The following ADAMTSL3 variants were observed in gnomAD, a reference collection of about 807,000 sequenced individuals.
The protein encoded by ADAMTSL3 is ADAMTS-like protein 3.
Under a neutral mutation model 201.7 loss-of-function variants are expected in ADAMTSL3, and 128 were observed. That is an observed-to-expected ratio of 0.63 (90% CI 0.55 to 0.73). The LOEUF (loss-of-function observed/expected upper bound fraction) is 0.73. ADAMTSL3 is among the 30% of genes least tolerant of loss of function. The pLI, the probability that ADAMTSL3 is intolerant of heterozygous loss-of-function variation, is 0.00. For missense variants in ADAMTSL3, 1,990 were observed against 2,119.6 expected, an observed-to-expected ratio of 0.94 and a Z score of 1.20; for synonymous variants, 738 against 748.4, an observed-to-expected ratio of 0.99 and a Z score of 0.23.
chr15:83,762,105 C>T (rs189272847), intron 3 of ADAMTSL3, among the ~76,000 whole-genome samples: 59 of 151,528 alleles, frequency 3.9e-4, no homozygotes, highest in Non-Finnish European at 7.1e-4. Flanking sequence ...GGCTGGAGTG[C>T]GGTGGCGTGA....
chr15:83,884,317 A>T (rs1596354508), intron 9 of ADAMTSL3, among the ~76,000 whole-genome samples: 2 of 143,236 alleles, frequency 1.4e-5, no homozygotes. Flanking sequence ...CATATATGTT[A>T]CCTCATTGGT....
In ADAMTSL3 at chr15:83,669,303, G is replaced by A. The variant is rs113333854; in HGVS notation, c.69+13473G>A. ...TGGGATTACAGTTGTGCACCACCAC[G>A]CGCGGCTAATTTTTGTATTTTTAGT... On this transcript the variant is annotated intron_variant, in intron 2 of 29. Coordinates refer to ENST00000286744, the MANE Select transcript of ADAMTSL3 (RefSeq NM_207517.3). Among the ~76,000 whole-genome samples, 136 of 151,716 alleles carry A rather than the reference G, an allele frequency of 9.0e-4. 2 individuals are homozygous for A. The highest frequency in any genetic ancestry group is 3.2e-3 in the African/African-American group (130 of 41,210).
intron 5 of ADAMTSL3, among the ~76,000 whole-genome samples, chr15:83,813,889 G>C (rs2141890845): frequency 6.6e-6 from 1 of 152,318 alleles, no homozygotes; most frequent in Non-Finnish European, 1.5e-5. Context: ...CATGTCAGCA[G>C]GGAGGTCTAA....
chr15:83,768,170 C>T lies in ADAMTSL3; in HGVS notation c.190-5353C>T, dbSNP rs558367821. Among the ~76,000 whole-genome samples the T allele has an allele frequency of 2.3e-3, 347 of 152,328 alleles. 1 individual carries two copies. Among genetic ancestry groups the T allele is most frequent in the African/African-American group, 8.2e-3 (339 of 41,582 alleles). Reference sequence around the variant, plus strand: ...TATTTTTGAAGAGGAAAAACAATTGCTTACCCTTATTGAGATACTCACCAA... The same window carrying T: ...TATTTTTGAAGAGGAAAAACAATTGTTTACCCTTATTGAGATACTCACCAA... On this transcript the variant is annotated intron_variant, in intron 3 of 29. Transcript: ENST00000286744.
intron 8 of ADAMTSL3, among the ~76,000 whole-genome samples, chr15:83,865,471 C>T (rs2064955679): frequency 6.6e-6 from 1 of 152,112 alleles, no homozygotes; most frequent in African/African-American, 2.4e-5. Context: ...TATCTACAAC[C>T]ATCTGATCTT....
intron 15 of ADAMTSL3, among the ~76,000 whole-genome samples, chr15:83,906,699 G>A (rs2065843120): frequency 6.8e-6 from 1 of 146,680 alleles, no homozygotes; most frequent in Non-Finnish European, 1.5e-5. Flanking sequence ...CTACTTTATT[G>A]AACTGTTTTG....
chr15:83,926,607 T>A (rs1057487532), intron 17 of ADAMTSL3, among the ~76,000 whole-genome samples: 7 of 130,920 alleles, frequency 5.3e-5, no homozygotes, highest in Non-Finnish European at 1.1e-4. Context: ...TATATGACAC[T>A]AACAACTTTT....
intron 5 of ADAMTSL3, among the ~76,000 whole-genome samples, chr15:83,811,484 A>G (rs11636742): frequency 0.063 from 9,621 of 152,328 alleles, 376 homozygotes; most frequent in Non-Finnish European, 0.095. Context: ...CACAAGTGTT[A>G]GAGTATTATG....
At chr15:83,757,481 C>A (rs2062740479) in intron 3 of ADAMTSL3, among the ~76,000 whole-genome samples, 1 of 151,478 alleles carries the variant, frequency 6.6e-6, no homozygotes, top group Non-Finnish European at 1.5e-5. Context: ...CTAGGCTGCA[C>A]ACAGCAGGGG....
At chr15:83,824,287 A>G (rs1157742520) in intron 6 of ADAMTSL3, among the ~76,000 whole-genome samples, 1 of 152,040 alleles carries the variant, frequency 6.6e-6, no homozygotes, top group Non-Finnish European at 1.5e-5. Flanking sequence ...AAATACTGGC[A>G]TTACAGGCTT....
chr15:83,995,137 G>A (rs957947456), intron 23 of ADAMTSL3, among the ~76,000 whole-genome samples: 3 of 152,126 alleles, frequency 2.0e-5, no homozygotes, highest in Admixed American at 6.5e-5. Context: ...TCTCTGGAAG[G>A]GGCATATGTG....
At chr15:83,858,707 C>A in intron 7 of ADAMTSL3, 59 bp from the exon 8 acceptor site, 1 of 1,357,910 alleles carries the variant, frequency 7.4e-7, no homozygotes, top group South Asian at 1.2e-5. Flanking sequence ...TTGACTTGCT[C>A]ATTTTCATGG....
At chr15:83,972,586 T>A in intron 20 of ADAMTSL3, among the ~76,000 whole-genome samples, 1 of 152,176 alleles carries the variant, frequency 6.6e-6, no homozygotes, top group Non-Finnish European at 1.5e-5. Flanking sequence ...AAATTATAAA[T>A]TATTTTGGCA....
intron 4 of ADAMTSL3, among the ~76,000 whole-genome samples, chr15:83,792,782 A>C (rs1297672516): frequency 2.9e-5 from 4 of 138,856 alleles, no homozygotes; most frequent in African/African-American, 1.0e-4. Flanking sequence ...ACAGAGTGAG[A>C]CTCTGTCTCA....
chr15:83,898,318 G>T (rs2065657416), intron 14 of ADAMTSL3, among the ~76,000 whole-genome samples: 1 of 152,054 alleles, frequency 6.6e-6, no homozygotes, highest in African/African-American at 2.4e-5. Context: ...AAGAATGGCG[G>T]GGGAGAGATT....
At chr15:83,791,853 T>C (rs1376691686) in intron 4 of ADAMTSL3, among the ~76,000 whole-genome samples, 2 of 149,412 alleles carry the variant, frequency 1.3e-5, no homozygotes, top group Non-Finnish European at 3.0e-5. Flanking sequence ...AGTGAGACTC[T>C]GTCTCAAAAA....
intron 2 of ADAMTSL3, among the ~76,000 whole-genome samples, chr15:83,695,654 A>T (rs999802415): frequency 1.3e-5 from 2 of 152,186 alleles, no homozygotes; most frequent in African/African-American, 4.8e-5. Context: ...TAATTAATTG[A>T]TGGTAAATAG....
chr15:83,913,285 C>G lies in ADAMTSL3; in HGVS notation c.1894C>G (p.Arg632Gly), dbSNP rs1386849167. Reference protein sequence around the residue: ...LEACDESPASRELDIPLPEDS... With the variant: ...LEACDESPASGELDIPLPEDS... ...AGCATGTGATGAGAGCCCGGCCTCC[C>G]GAGAGCTAGACATCCCTCTCCCTGA... The change falls in exon 16 of 30, where the codon CGA becomes GGA. Residue 632 changes from arginine (R) to glycine (G), a missense_variant. Physicochemically the swap from Arg to Gly is moderately radical, Grantham distance 125. Transcript: ENST00000286744. 1 of 1,613,952 alleles carries G rather than the reference C, an allele frequency of 6.2e-7. No individual in the cohort carries two copies. The highest frequency in any genetic ancestry group is 8.5e-7 in the Non-Finnish European group (1 of 1,180,016).
rs574404188 is a variant in ADAMTSL3 at position 83,737,960 on chromosome 15, T to C, written c.189+33452T>C. Among the ~76,000 whole-genome samples, 3 of 152,322 alleles carry C rather than the reference T, an allele frequency of 2.0e-5. No individual in the cohort carries two copies. The East Asian group carries it at 5.8e-4, about 29-fold the overall frequency. ...GCCCTGAGAAAAACGAATTTTAATT[T>C]ATAATACTGAACTCACCTACACTGG... is the stretch of plus-strand genomic sequence containing the variant. On this transcript the variant is annotated intron_variant, in intron 3 of 29. Coordinates refer to ENST00000286744, the MANE Select transcript of ADAMTSL3 (RefSeq NM_207517.3).
Sources: gnomAD v4.1 joint callset for allele counts (sites outside exome capture counted in the v4.1 genomes callset) on GRCh38, gnomAD v4.1.1 for gene constraint, MANE v1.5 for transcripts, NCBI Gene and HGNC (gene_info 2026-07-23, HGNC 2026-07-21) for gene names.